Variants in NCKAP5 observed in about 807,000 individuals in gnomAD.
The protein encoded by NCKAP5 is nck-associated protein 5.
A neutral mutation model predicts 167.0 loss-of-function variants in NCKAP5; 92 were observed. The ratio of observed to expected loss-of-function variants is 0.55; its 90% CI spans 0.47 to 0.66. The LOEUF is 0.66. Among genes scored for constraint, NCKAP5 ranks in the 30% least tolerant of loss-of-function variants. The probability of loss-of-function intolerance (pLI) is 0.00; values close to 1 mark genes in which losing one functional copy is unlikely to be tolerated. For synonymous variants in NCKAP5, 891 were observed against 877.4 expected, an observed-to-expected ratio of 1.02 and a Z score of -0.27; for missense variants, 2,378 against 2,315.0, an observed-to-expected ratio of 1.03 and a Z score of -0.56.
At chr2:133,276,301 G>A (rs1043102787) in intron 4 of NCKAP5, among the ~76,000 whole-genome samples, 7 of 152,012 alleles carry the variant, frequency 4.6e-5, no homozygotes, top group Non-Finnish European at 4.4e-5. Flanking sequence ...TTAAGTTTTT[G>A]TGGGAGTCAA....
the NCKAP5 span, among the ~76,000 whole-genome samples, chr2:133,603,352 A>T: frequency 6.7e-6 from 1 of 150,230 alleles, no homozygotes; most frequent in Non-Finnish European, 1.5e-5. Flanking sequence ...CAGCCTCCCA[A>T]GTAGCTGGGA....
intron 5 of NCKAP5, among the ~76,000 whole-genome samples, chr2:133,182,045 A>G (rs537272957): frequency 9.2e-5 from 14 of 152,322 alleles, no homozygotes; most frequent in African/African-American, 2.9e-4. Flanking sequence ...AAAATGGTCT[A>G]TTCACCAAGA....
chr2:132,754,717 C>T (rs551528934), intron 16 of NCKAP5, among the ~76,000 whole-genome samples: 19 of 152,298 alleles, frequency 1.2e-4, no homozygotes, highest in African/African-American at 2.9e-4. Context: ...TACTAAGGCA[C>T]GTAAATTCTT....
intron 3 of NCKAP5, among the ~76,000 whole-genome samples, chr2:133,492,507 C>T (rs1681560092): frequency 6.6e-6 from 1 of 152,154 alleles, no homozygotes; most frequent in South Asian, 2.1e-4. Context: ...GGGAGCACAA[C>T]ACACTCCAAA....
chr2:133,663,839 T>C, the NCKAP5 span, among the ~76,000 whole-genome samples: 1 of 152,184 alleles, frequency 6.6e-6, no homozygotes, highest in African/African-American at 2.4e-5. Flanking sequence ...CTGTTAATGA[T>C]GATATTTTGA....
chr2:133,523,300 TCA>T (rs57259165), intron 2 of NCKAP5, among the ~76,000 whole-genome samples: 14,481 of 144,654 alleles, frequency 0.1, 1,126 homozygotes, highest in African/African-American at 0.23. Flanking sequence ...ATACACACAG[TCA>T]CACACACACA....
At chr2:132,746,632 C>T (rs1053540542) in intron 16 of NCKAP5, among the ~76,000 whole-genome samples, 3 of 152,126 alleles carry the variant, frequency 2.0e-5, no homozygotes, top group African/African-American at 7.2e-5. Context: ...CTATAATACT[C>T]TTACTGTTAT....
chr2:132,843,603 TAA>T (rs989335237), intron 11 of NCKAP5, among the ~76,000 whole-genome samples: 1 of 151,786 alleles, frequency 6.6e-6, no homozygotes, highest in East Asian at 1.9e-4. Flanking sequence ...TTTTTTTTAA[TAA>T]AAAAACTCCT....
At chr2:133,580,214 AT>A in the NCKAP5 span, among the ~76,000 whole-genome samples, 1 of 152,176 alleles carries the variant, frequency 6.6e-6, no homozygotes, top group Non-Finnish European at 1.5e-5. Flanking sequence ...TTGGAAATTA[AT>A]TTTTAAGCCC....
At chr2:133,644,402 CCATGAAACCTCTGAAATGATTT>C in the NCKAP5 span, among the ~76,000 whole-genome samples, 1 of 152,176 alleles carries the variant, frequency 6.6e-6, no homozygotes, top group African/African-American at 2.4e-5. Context: ...ATTTCCAATT[CCATGAAACCTCTGAAATGATTT>C]CATGAAATCA....
rs192804031 is a variant in NCKAP5 at position 133,342,471 on chromosome 2, A to G, written c.70-39361T>C. ...CTCCCAACTCCTCCTTTTCATGCAA[A>G]TCATCTTCATCCCATCCAGAGTAGG... On this transcript the variant is annotated intron_variant, in intron 3 of 19. Coordinates refer to ENST00000409261, the MANE Select transcript of NCKAP5 (RefSeq NM_207363.3). Among the ~76,000 whole-genome samples the G allele has an allele frequency of 9.8e-4, 149 of 152,240 alleles. 1 individual carries two copies. The Middle Eastern group carries it at 0.014, about 14-fold the overall frequency.
chr2:132,712,502 A>T (rs1688959359), intron 19 of NCKAP5, among the ~76,000 whole-genome samples: 1 of 152,110 alleles, frequency 6.6e-6, no homozygotes, highest in African/African-American at 2.4e-5. Context: ...ATACAAAAAA[A>T]TTAGCCGGGT....
rs180993747 is a variant in NCKAP5 at position 133,005,839 on chromosome 2, C to T, written c.342-11600G>A. Among the ~76,000 whole-genome samples, 236 of 152,216 alleles carry T rather than the reference C, an allele frequency of 1.6e-3. 3 individuals are homozygous for T. Among genetic ancestry groups the T allele is most frequent in the African/African-American group, 5.4e-3 (226 of 41,522 alleles). On this transcript the variant is annotated intron_variant, in intron 6 of 19. Coordinates refer to ENST00000409261, the MANE Select transcript of NCKAP5 (RefSeq NM_207363.3). The stretch of plus-strand genomic sequence containing the variant: ...TACACCTTAAATTCTAATTAGAGGC[C>T]GTTCTCTTCTAGAAAACTAATGTAA...
intron 4 of NCKAP5, among the ~76,000 whole-genome samples, chr2:133,249,099 C>T (rs2088160565): frequency 6.6e-6 from 1 of 152,086 alleles, no homozygotes; most frequent in Non-Finnish European, 1.5e-5. Flanking sequence ...ATGCCACTGC[C>T]CCTGCCCCTC....
chr2:133,481,527 C>T (rs1680432336), intron 3 of NCKAP5, among the ~76,000 whole-genome samples: 1 of 152,104 alleles, frequency 6.6e-6, no homozygotes, highest in Non-Finnish European at 1.5e-5. Context: ...TATTTTGTCA[C>T]CCAGGTATTA....
At position 132,860,856 on chromosome 2, in the gene NCKAP5, C is replaced by T. The variant is rs114448433; in HGVS notation, c.688-245G>A. On this transcript the variant is annotated intron_variant, in intron 10 of 19. Coordinates refer to ENST00000409261, the MANE Select transcript of NCKAP5 (RefSeq NM_207363.3). ...ATCAGAAATGCATTAATCTAGCATG[C>T]TATTTTTGAAGACAGTAAATCTTAG... is the stretch of plus-strand genomic sequence containing the variant. Among the ~76,000 whole-genome samples, 1,007 of 152,216 alleles carry T rather than the reference C, an allele frequency of 6.6e-3. 8 individuals carry two copies. Among genetic ancestry groups the T allele is most frequent in the African/African-American group, 0.022 (924 of 41,508 alleles).
At chr2:133,658,803 C>T in the NCKAP5 span, among the ~76,000 whole-genome samples, 1 of 152,124 alleles carries the variant, frequency 6.6e-6, no homozygotes, top group African/African-American at 2.4e-5. Flanking sequence ...CCCCAATATC[C>T]TGCTGATTCT....
At position 133,258,687 on chromosome 2, in the gene NCKAP5, A is replaced by G. The variant is rs373956460; in HGVS notation, c.143+44350T>C. ...TTGAGCCCAGGGAGGTTGAGGTTGC[A>G]GTGAGCCGAGATTGTGCCACTGCAT... On this transcript the variant is annotated intron_variant, in intron 4 of 19. Coordinates refer to ENST00000409261, the MANE Select transcript of NCKAP5 (RefSeq NM_207363.3). 5.7e-4 allele frequency among the ~76,000 whole-genome samples: 86 copies of G among 152,054 alleles called. 1 individual carries two copies. In the South Asian group the frequency reaches 7.3e-3, roughly 13 times the overall value.
chr2:133,500,101 T>C (rs1559530374), intron 3 of NCKAP5, among the ~76,000 whole-genome samples: 1 of 152,114 alleles, frequency 6.6e-6, no homozygotes, highest in Admixed American at 6.5e-5. Context: ...ATAAAAAGGA[T>C]AAACTGCTTT....
Sources: allele counts gnomAD v4.1 joint callset (sites outside exome capture counted in the v4.1 genomes callset), GRCh38; gene constraint gnomAD v4.1.1; transcripts MANE v1.5; gene names NCBI Gene and HGNC (gene_info 2026-07-23, HGNC 2026-07-21).